TXNRD1: variants seen among roughly 807,000 people sequenced by gnomAD.
TXNRD1 encodes thioredoxin reductase 1, cytoplasmic.
TXNRD1 carries 57 observed loss-of-function variants against 80.3 expected under a neutral mutation model. That is an observed-to-expected ratio of 0.71 (90% CI 0.57 to 0.89). The LOEUF (loss-of-function observed/expected upper bound fraction) is 0.89, where lower values mean the gene tolerates loss of function less well. TXNRD1 is among the 40% of genes least tolerant of loss of function. The pLI, the probability that TXNRD1 is intolerant of heterozygous loss-of-function variation, is 0.00. For synonymous variants in TXNRD1, 291 were observed against 285.2 expected, an observed-to-expected ratio of 1.02 and a Z score of -0.20; for missense variants, 730 against 803.0, an observed-to-expected ratio of 0.91 and a Z score of 1.10.
intron 7 of TXNRD1, among the ~76,000 whole-genome samples, chr12:104,317,386 T>C (rs1369191758): frequency 6.4e-5 from 8 of 125,038 alleles, no homozygotes; most frequent in East Asian, 5.1e-4. Context: ...TTTTTTTTTT[T>C]CAGTTGAACC....
At chr12:104,267,941 C>A (rs113068902) in intron 3 of TXNRD1, among the ~76,000 whole-genome samples, 14 of 151,154 alleles carry the variant, frequency 9.3e-5, no homozygotes, top group African/African-American at 3.4e-4. Context: ...CCTCCATCTC[C>A]CGGGTTCAAA....
At chr12:104,321,996 CT>C (rs746500111) in intron 10 of TXNRD1, among the ~76,000 whole-genome samples, 753 of 129,148 alleles carry the variant, frequency 5.8e-3, no homozygotes, top group African/African-American at 0.015. Flanking sequence ...TTATAGTTGT[CT>C]TTTTTTTTTT....
At chr12:104,248,513 A>T (rs985150332) in intron 1 of TXNRD1, among the ~76,000 whole-genome samples, 5 of 152,120 alleles carry the variant, frequency 3.3e-5, no homozygotes, top group African/African-American at 9.7e-5. Flanking sequence ...TCAAACTCCT[A>T]ACCTCAGGTG....
At chr12:104,325,512 C>G in intron 11 of TXNRD1, 83 bp downstream of exon 11, 1 of 962,638 alleles carries the variant, frequency 1.0e-6, no homozygotes, top group Non-Finnish European at 1.6e-6. Context: ...TAAAATGGCT[C>G]TTAGTGATTT....
At chr12:104,229,675 C>T (rs1211055382) in intron 1 of TXNRD1, among the ~76,000 whole-genome samples, 3 of 151,746 alleles carry the variant, frequency 2.0e-5, no homozygotes, top group Admixed American at 2.0e-4. Context: ...TCACTGCATC[C>T]TCTGCCTCCC....
At position 104,257,999 on chromosome 12, in the gene TXNRD1, T is replaced by C; in HGVS notation, c.244-20T>C. The C allele has an allele frequency of 6.5e-7, 1 of 1,535,744 alleles. No homozygotes were observed. The highest frequency in any genetic ancestry group is 8.8e-7 in the Non-Finnish European group (1 of 1,137,392). ...TAACCTCATTTTTCATTTTCCTCCTTGTTTTTCAACTTCTTCCAGGTAAAG... is the reference window on the plus strand; with the variant it reads ...TAACCTCATTTTTCATTTTCCTCCTCGTTTTTCAACTTCTTCCAGGTAAAG... On this transcript the variant is annotated intron_variant, in intron 2 of 16. Coordinates refer to ENST00000525566, the MANE Select transcript of TXNRD1 (RefSeq NM_001093771.3).
rs549622695 is a variant in TXNRD1 at position 104,309,005 on chromosome 12, C to G, written c.415-2285C>G. On this transcript the variant is annotated intron_variant, in intron 4 of 16. Coordinates refer to ENST00000525566, the MANE Select transcript of TXNRD1 (RefSeq NM_001093771.3). Reference sequence around the variant, plus strand: ...CTCCGCCTCCTGGGTTCAAGCAGTTCTCCTGCCTCAGCCTCCCGAATAGCT... The same window carrying G: ...CTCCGCCTCCTGGGTTCAAGCAGTTGTCCTGCCTCAGCCTCCCGAATAGCT... Among the ~76,000 whole-genome samples, 3 of 148,886 alleles carry G rather than the reference C, an allele frequency of 2.0e-5. No homozygotes were observed. The South Asian group carries it at 6.3e-4, about 31-fold the overall frequency.
Position 104,238,855 on chromosome 12 carries a change from C to CTT in TXNRD1, c.92-12664_92-12663dup, listed in dbSNP as rs57945714. Among the ~76,000 whole-genome samples the CTT allele has an allele frequency of 3.1e-4, 46 of 150,684 alleles. No individual in the cohort carries two copies. In the East Asian group the frequency reaches 7.0e-3, roughly 23 times the overall value. ...GGGCATTGGTCTGTGGTTTTCTTTT[C>CTT]TTTTTTTTTGCGACAGAGTCTTGCA... On this transcript the variant is annotated intron_variant, in intron 1 of 16. Coordinates refer to ENST00000525566, the MANE Select transcript of TXNRD1 (RefSeq NM_001093771.3).
intron 4 of TXNRD1, among the ~76,000 whole-genome samples, chr12:104,296,708 A>C (rs2034448905): frequency 6.6e-6 from 1 of 152,236 alleles, no homozygotes; most frequent in East Asian, 1.9e-4. Context: ...GAAGAGACTC[A>C]CTTAAAGGAT....
intron 1 of TXNRD1, among the ~76,000 whole-genome samples, chr12:104,234,654 A>G (rs1174424060): frequency 6.6e-6 from 1 of 151,546 alleles, no homozygotes; most frequent in African/African-American, 2.4e-5. Flanking sequence ...AAAAAAAAAA[A>G]AAGAAGCCTT....
chr12:104,308,898 C>CTTT (rs11484262), intron 4 of TXNRD1, among the ~76,000 whole-genome samples: 20 of 129,720 alleles, frequency 1.5e-4, no homozygotes, highest in East Asian at 2.2e-4. Context: ...AACAATGTTT[C>CTTT]TTTTTTTTTT....
intron 3 of TXNRD1, among the ~76,000 whole-genome samples, chr12:104,285,066 T>C (rs1352986883): frequency 6.6e-6 from 1 of 151,972 alleles, no homozygotes; most frequent in Non-Finnish European, 1.5e-5. Flanking sequence ...TCCCAGCTAC[T>C]TGGGAGGCTG....
chr12:104,290,929 T>C, intron 4 of TXNRD1: 1 of 609,634 alleles, frequency 1.6e-6, no homozygotes, highest in Non-Finnish European at 2.9e-6. Context: ...ACTCACTTAA[T>C]TGATTTGGTC....
intron 3 of TXNRD1, among the ~76,000 whole-genome samples, chr12:104,279,400 T>C (rs2033829000): frequency 6.6e-6 from 1 of 152,186 alleles, no homozygotes; most frequent in African/African-American, 2.4e-5. Flanking sequence ...TGCTCAATGC[T>C]TGGAAGTTAG....
At chr12:104,323,134 C>T (rs1167942592) in intron 10 of TXNRD1, among the ~76,000 whole-genome samples, 2 of 124,216 alleles carry the variant, frequency 1.6e-5, no homozygotes, top group African/African-American at 6.5e-5. Context: ...GGTCACAGAT[C>T]AACAGGATCC....
At chr12:104,316,678 C>T (rs1236113492) in intron 7 of TXNRD1, among the ~76,000 whole-genome samples, 2 of 152,076 alleles carry the variant, frequency 1.3e-5, no homozygotes, top group African/African-American at 2.4e-5. Context: ...TGTGAGCCAC[C>T]GTGCCTGGTG....
At chr12:104,290,499 C>T (rs1308652698) in intron 4 of TXNRD1, among the ~76,000 whole-genome samples, 3 of 151,444 alleles carry the variant, frequency 2.0e-5, no homozygotes, top group African/African-American at 7.3e-5. Context: ...TCCAGATCAG[C>T]CTGGGCAACA....
intron 1 of TXNRD1, among the ~76,000 whole-genome samples, chr12:104,226,321 G>A (rs1362763965): frequency 6.6e-6 from 1 of 152,218 alleles, no homozygotes; most frequent in East Asian, 1.9e-4. Flanking sequence ...AGCTTAGGTT[G>A]TAGATGCTGA....
chr12:104,253,190 C>T (rs1158101747), intron 2 of TXNRD1, among the ~76,000 whole-genome samples: 1 of 152,054 alleles, frequency 6.6e-6, no homozygotes, highest in Admixed American at 6.6e-5. Flanking sequence ...TGTGTCTGTG[C>T]ACACGTGCAC....
Sources: gnomAD v4.1 joint callset for allele counts (sites outside exome capture counted in the v4.1 genomes callset) on GRCh38, gnomAD v4.1.1 for gene constraint, MANE v1.5 for transcripts, NCBI Gene and HGNC (gene_info 2026-07-23, HGNC 2026-07-21) for gene names.